Variants in SEMA5A observed in about 807,000 individuals in gnomAD.
SEMA5A encodes the protein semaphorin 5A.
In SEMA5A, 55 loss-of-function variants were observed where a neutral mutation model predicts 135.5. The observed-to-expected ratio is 0.41, with a 90% CI of 0.33 to 0.51. The LOEUF (loss-of-function observed/expected upper bound fraction) is 0.51. SEMA5A is among the 20% of genes least tolerant of loss of function. The pLI, the probability that SEMA5A is intolerant of heterozygous loss-of-function variation, is 0.37. For missense variants in SEMA5A, 1,290 were observed against 1,419.9 expected, an observed-to-expected ratio of 0.91 and a Z score of 1.47; for synonymous variants, 580 against 546.5, an observed-to-expected ratio of 1.06 and a Z score of -0.85.
intron 16 of SEMA5A, among the ~76,000 whole-genome samples, chr5:9,100,016 C>A (rs544163013): frequency 1.3e-5 from 2 of 152,324 alleles, no homozygotes; most frequent in South Asian, 4.1e-4. Context: ...GTGTCCCAGG[C>A]AAGAATTGGT....
intron 15 of SEMA5A, among the ~76,000 whole-genome samples, chr5:9,110,939 G>A (rs1740207399): frequency 6.6e-6 from 1 of 152,136 alleles, no homozygotes; most frequent in African/African-American, 2.4e-5. Flanking sequence ...CCTCTAGATA[G>A]GAGAGACAAG....
At chr5:9,306,387 T>C (rs1028668442) in intron 5 of SEMA5A, among the ~76,000 whole-genome samples, 2 of 152,228 alleles carry the variant, frequency 1.3e-5, no homozygotes, top group African/African-American at 4.8e-5. Context: ...TCCAGTTCAC[T>C]AATACAATAT....
At position 9,532,440 on chromosome 5, in the gene SEMA5A, CTTTT is replaced by C. The variant is rs4045370; in HGVS notation, c.-175+13140_-175+13143del. Among the ~76,000 whole-genome samples the C allele has an allele frequency of 8.2e-4, 102 of 125,142 alleles. No individual in the cohort carries two copies. In the Middle Eastern group the frequency reaches 0.013, roughly 16 times the overall value. The allele number at this position is 125,142 out of a possible 152,430, so 82.1% of individuals were successfully genotyped here. On this transcript the variant is annotated intron_variant, in intron 1 of 22. Coordinates refer to ENST00000382496, the MANE Select transcript of SEMA5A (RefSeq NM_003966.3). ...GCCACCATGCCCAGTTAATTTTTTT[CTTTT>C]TTTTTTTTTTTTTTTGTATTTTTAG...
chr5:9,427,309 C>CGG (rs148416839), intron 2 of SEMA5A, among the ~76,000 whole-genome samples: 1 of 151,368 alleles, frequency 6.6e-6, no homozygotes, highest in Non-Finnish European at 1.5e-5. Context: ...GACTCTGTCT[C>CGG]GGGGGGGAAA....
chr5:9,205,742 T>C lies in SEMA5A; in HGVS notation c.647-3502A>G, dbSNP rs942868432. On this transcript the variant is annotated intron_variant, in intron 8 of 22. Transcript: ENST00000382496. ...TGCTGTTCTCTAATTCACCACACAG[T>C]GCAGGTCATGTTGGTCAGGGAGTGA... Among the ~76,000 whole-genome samples, 4 of 152,370 alleles carry C rather than the reference T, an allele frequency of 2.6e-5. No individual in the cohort carries two copies. The South Asian group carries it at 6.2e-4, about 24-fold the overall frequency.
At chr5:9,318,348 T>C (rs1252822421) in intron 5 of SEMA5A, 24 bp downstream of exon 5, 1 of 1,605,748 alleles carries the variant, frequency 6.2e-7, no homozygotes, top group Non-Finnish European at 8.5e-7. Flanking sequence ...AAATGAAAGC[T>C]TGAGAAAAAT....
intron 5 of SEMA5A, among the ~76,000 whole-genome samples, chr5:9,285,012 C>T (rs1750731674): frequency 1.3e-5 from 2 of 152,172 alleles, no homozygotes; most frequent in African/African-American, 4.8e-5. Context: ...TTCTCACATC[C>T]TCCTATTCTA....
At chr5:9,140,858 T>G (rs1742030766) in intron 12 of SEMA5A, among the ~76,000 whole-genome samples, 1 of 151,990 alleles carries the variant, frequency 6.6e-6, no homozygotes, top group African/African-American at 2.4e-5. Context: ...AAGGGAAAAA[T>G]TCCACGGGCT....
chr5:9,272,900 G>C (rs1300681636), intron 5 of SEMA5A, among the ~76,000 whole-genome samples: 1 of 152,120 alleles, frequency 6.6e-6, no homozygotes, highest in Non-Finnish European at 1.5e-5. Flanking sequence ...CCACGAAGAT[G>C]GGGGAAACCA....
intron 16 of SEMA5A, among the ~76,000 whole-genome samples, chr5:9,103,494 C>T (rs753506436): frequency 6.6e-5 from 10 of 152,156 alleles, no homozygotes; most frequent in Non-Finnish European, 8.8e-5. Context: ...TCTTCTTGAC[C>T]TTTCCAGGCT....
chr5:9,265,566 C>G (rs1749644319), intron 5 of SEMA5A: 1 of 456,196 alleles, frequency 2.2e-6, no homozygotes, highest in Admixed American at 2.3e-5. Flanking sequence ...GACTCATAAA[C>G]TGCTGCTGAT....
chr5:9,502,719 C>T (rs1373965923), intron 1 of SEMA5A, among the ~76,000 whole-genome samples: 2 of 152,114 alleles, frequency 1.3e-5, no homozygotes, highest in Non-Finnish European at 2.9e-5. Flanking sequence ...TCCTCAACTT[C>T]AAGGAGAGGA....
chr5:9,367,177 TA>T (rs1474796625), intron 3 of SEMA5A, among the ~76,000 whole-genome samples: 2 of 152,158 alleles, frequency 1.3e-5, no homozygotes, highest in Non-Finnish European at 2.9e-5. Flanking sequence ...TAAATACAAT[TA>T]AAACGTATTA....
At position 9,062,992 on chromosome 5, in the gene SEMA5A, G is replaced by T. The variant is rs374937856; in HGVS notation, c.2413C>A (p.Arg805=). 3.1e-6 allele frequency: 5 copies of T among 1,614,088 alleles called. No individual in the cohort carries two copies. The Admixed American group carries it at 5.0e-5, about 16-fold the overall frequency. Residue 805 remains arginine, a synonymous_variant, in exon 18 of 23, where the codon CGG becomes AGG. Coordinates refer to ENST00000382496, the MANE Select transcript of SEMA5A (RefSeq NM_003966.3). ...QCSRDCSRGI[R]NRKRVCNNPE... ...TTGTTGCAAACACGCTTCCGGTTCC[G>T]AATGCCCCTGCTGCAGTCACGGCTG...
At chr5:9,139,251 C>A (rs972922957) in intron 12 of SEMA5A, among the ~76,000 whole-genome samples, 4 of 152,158 alleles carry the variant, frequency 2.6e-5, no homozygotes, top group Admixed American at 2.6e-4. Flanking sequence ...ATTAACTTTA[C>A]CCTTTAAAAG....
intron 3 of SEMA5A, among the ~76,000 whole-genome samples, chr5:9,353,069 GA>G (rs1198850857): frequency 1.4e-3 from 24 of 16,760 alleles, no homozygotes; most frequent in African/African-American, 7.6e-3. Context: ...GGAAGGAAAG[GA>G]AAGGAAAGGA....
intron 5 of SEMA5A, among the ~76,000 whole-genome samples, chr5:9,244,039 A>G (rs1395524974): frequency 6.6e-6 from 1 of 152,196 alleles, no homozygotes; most frequent in Non-Finnish European, 1.5e-5. Context: ...CTCTGGGCCC[A>G]TTCACAGCCC....
In SEMA5A at chr5:9,042,876, A is replaced by G. The variant is rs1390148500; in HGVS notation, c.*21T>C. 1.9e-6 allele frequency: 3 copies of G among 1,613,554 alleles called. No homozygotes were observed. Among genetic ancestry groups the G allele is most frequent in the Non-Finnish European group, 2.5e-6 (3 of 1,179,796 alleles). Reference sequence around the variant, plus strand: ...CCTTGAGGAACTGGGGATTTACAAGAAGCCAAAAACATGAAAGCTGTTAGT... The same window carrying G: ...CCTTGAGGAACTGGGGATTTACAAGGAGCCAAAAACATGAAAGCTGTTAGT... On this transcript the variant is annotated 3_prime_UTR_variant, in exon 23 of 23. Coordinates refer to ENST00000382496, the MANE Select transcript of SEMA5A (RefSeq NM_003966.3).
intron 2 of SEMA5A, among the ~76,000 whole-genome samples, chr5:9,403,909 T>C (rs1026585669): frequency 1.3e-5 from 2 of 151,768 alleles, no homozygotes; most frequent in African/African-American, 4.9e-5. Context: ...AGCCTCCTAC[T>C]GTGAATCAGT....
Sources: allele counts gnomAD v4.1 joint callset (sites outside exome capture counted in the v4.1 genomes callset), GRCh38; gene constraint gnomAD v4.1.1; transcripts MANE v1.5; gene names NCBI Gene and HGNC (gene_info 2026-07-23, HGNC 2026-07-21).